Variants in POLR3G observed in about 807,000 individuals in gnomAD.
POLR3G encodes RNA polymerase III subunit G, also known as DNA-directed RNA polymerase III subunit RPC7.
POLR3G carries 28 observed loss-of-function variants against 30.1 expected under a neutral mutation model. The ratio of observed to expected loss-of-function variants is 0.93; its 90% CI spans 0.69 to 1.27. The LOEUF (loss-of-function observed/expected upper bound fraction) is 1.27. POLR3G is among the 50% of genes most tolerant of loss of function. The pLI is 0.00. For synonymous variants in POLR3G, 79 were observed against 82.5 expected (o/e 0.96, Z 0.23); for missense variants, 254 against 264.6 (o/e 0.96, Z 0.28).
At chr5:90,487,868 AGTTG>A (rs1751525815) in intron 2 of POLR3G, 128 bp from the exon 3 acceptor site, 1 of 630,888 alleles carries the variant, frequency 1.6e-6, no homozygotes, top group East Asian at 3.4e-5. Flanking sequence ...TCATCTTTTA[AGTTG>A]GTTGTAAAAC....
At position 90,485,675 on chromosome 5, in the gene POLR3G, A is replaced by G; in HGVS notation, c.108A>G (p.Pro36=). 1.2e-6 allele frequency: 2 copies of G among 1,608,842 alleles called. No individual in the cohort carries two copies. The highest frequency in any genetic ancestry group is 1.7e-6 in the Non-Finnish European group (2 of 1,176,128). ...CTGATGTAGTGTTGAAACCACCCCC[A>G]CTATTTCCTGTAAGTATATGAACAG... ...KLPDVVLKPP[P]LFPDTDYKPV... is the part of the protein sequence containing the mutation. The change falls in exon 2 of 8, where the codon CCA becomes CCG. Residue 36 remains proline (P), a synonymous_variant. Transcript: ENST00000651687.
In POLR3G at chr5:90,491,714, G is replaced by A. The variant is rs1189593273; in HGVS notation, c.247+3585G>A. On this transcript the variant is annotated intron_variant, in intron 3 of 7. Transcript: ENST00000651687. ...TATCTAAAATAATTATGGAATCTGA[G>A]TGATCTTATTTTTTCTCTATATTGA... Among the ~76,000 whole-genome samples the A allele has an allele frequency of 2.0e-5, 3 of 151,946 alleles. No homozygotes were observed. The East Asian group carries it at 5.8e-4, about 29-fold the overall frequency.
At chr5:90,507,009 C>T (rs558585483) in intron 7 of POLR3G, among the ~76,000 whole-genome samples, 90 of 152,262 alleles carry the variant, frequency 5.9e-4, no homozygotes, top group African/African-American at 1.9e-3. Context: ...ATTCAGGTAA[C>T]GGAGGGCTTA....
At chr5:90,480,545 C>T (rs967351241) in intron 1 of POLR3G, among the ~76,000 whole-genome samples, 2 of 152,000 alleles carry the variant, frequency 1.3e-5, no homozygotes, top group African/African-American at 2.4e-5. Context: ...TGTTATTTTT[C>T]AAGAGCTGTT....
At chr5:90,509,016 G>A (rs540699250) in intron 7 of POLR3G, among the ~76,000 whole-genome samples, 212 of 152,240 alleles carry the variant, frequency 1.4e-3, no homozygotes, top group Non-Finnish European at 2.5e-3. Context: ...AGCTGAGATC[G>A]TGCCACTGCA....
rs745598020 is a variant in POLR3G at position 90,485,670 on chromosome 5, C to T, written c.103C>T (p.Pro35Ser). 1 of 1,610,568 alleles carries T rather than the reference C, an allele frequency of 6.2e-7. No homozygotes were observed. The highest frequency in any genetic ancestry group is 8.5e-7 in the Non-Finnish European group (1 of 1,177,446). The change falls in exon 2 of 8, where the codon CCC becomes TCC. Residue 35 changes from proline (P) to serine (S), a missense_variant. By Grantham distance (74) the Pro-to-Ser change is moderately conservative. Transcript: ENST00000651687. ...EKLPDVVLKP[P>S]PLFPDTDYKP... ...GTTACCTGATGTAGTGTTGAAACCACCCCCACTATTTCCTGTAAGTATATG... is the reference window on the plus strand; with the variant it reads ...GTTACCTGATGTAGTGTTGAAACCATCCCCACTATTTCCTGTAAGTATATG...
intron 1 of POLR3G, among the ~76,000 whole-genome samples, chr5:90,477,133 G>A (rs1187830798): frequency 2.6e-5 from 4 of 152,154 alleles, no homozygotes; most frequent in African/African-American, 9.7e-5. Flanking sequence ...GTAGTACTTG[G>A]GAAACACAGA....
upstream of POLR3G, chr5:90,474,445 G>C: frequency 1.5e-6 from 1 of 686,288 alleles, no homozygotes; most frequent in Non-Finnish European, 2.5e-6. Flanking sequence ...GCGGGGGTCG[G>C]AATAGGAGGA....
intron 5 of POLR3G, among the ~76,000 whole-genome samples, chr5:90,498,134 C>A (rs1364179431): frequency 1.3e-5 from 2 of 151,836 alleles, no homozygotes; most frequent in East Asian, 3.9e-4. Context: ...TGACTCTCTC[C>A]CTCTCTCTGT....
intron 1 of POLR3G, among the ~76,000 whole-genome samples, chr5:90,475,852 C>T (rs1425126748): frequency 6.6e-6 from 1 of 152,180 alleles, no homozygotes; most frequent in Non-Finnish European, 1.5e-5. Flanking sequence ...GCTGAGGTTA[C>T]AGGCGCCTGC....
At chr5:90,501,646 A>G (rs1291563128) in intron 5 of POLR3G, among the ~76,000 whole-genome samples, 2 of 152,176 alleles carry the variant, frequency 1.3e-5, no homozygotes, top group Non-Finnish European at 2.9e-5. Flanking sequence ...GCCAGTACCA[A>G]TGTTCAGAAC....
At position 90,512,369 on chromosome 5, in the gene POLR3G, A is replaced by C. The variant is rs548459688; in HGVS notation, c.*230A>C. 7.2e-6 allele frequency: 3 copies of C among 419,284 alleles called. No individual in the cohort carries two copies. Among genetic ancestry groups the C allele is most frequent in the Non-Finnish European group, 1.3e-5 (3 of 226,698 alleles). The allele number at this position is 419,284 out of a possible 1,614,324, so 26.0% of individuals were successfully genotyped here. A position where few individuals can be genotyped will look rare whatever the true frequency, so the allele number is the denominator to read the frequency against. ...AACACCTCTGCCATCTCTCTTATGT[A>C]CTCTCATGGGTTTTTTTGTATGATT... is the stretch of plus-strand genomic sequence containing the variant. On this transcript the variant is annotated 3_prime_UTR_variant, in exon 8 of 8. Coordinates refer to ENST00000651687, the MANE Select transcript of POLR3G (RefSeq NM_006467.3).
At chr5:90,476,607 C>T (rs1210250399) in intron 1 of POLR3G, among the ~76,000 whole-genome samples, 1 of 152,186 alleles carries the variant, frequency 6.6e-6, no homozygotes, top group Non-Finnish European at 1.5e-5. Context: ...GATATCTCTA[C>T]CAGGCCATGA....
intron 1 of POLR3G, among the ~76,000 whole-genome samples, chr5:90,479,321 A>G (rs1751004825): frequency 6.6e-6 from 1 of 152,056 alleles, no homozygotes; most frequent in Admixed American, 6.6e-5. Flanking sequence ...AAAAATACAA[A>G]AATTAGCCGG....
intron 3 of POLR3G, among the ~76,000 whole-genome samples, chr5:90,492,802 A>T (rs2151907396): frequency 7.2e-6 from 1 of 138,300 alleles, no homozygotes; most frequent in Middle Eastern, 3.5e-3. Context: ...GAGTGGAGTC[A>T]ACCTGGGAGT....
At chr5:90,476,864 C>G (rs1750851001) in intron 1 of POLR3G, among the ~76,000 whole-genome samples, 1 of 152,196 alleles carries the variant, frequency 6.6e-6, no homozygotes, top group Non-Finnish European at 1.5e-5. Context: ...TCCACAATAG[C>G]ATCCATGTTT....
rs1416308001 is a variant in POLR3G, at chr5:90,513,578, T to C, written c.*1439T>C. 1 of 152,446 alleles carries C rather than the reference T, an allele frequency of 6.6e-6. No individual in the cohort carries two copies. The highest frequency in any genetic ancestry group is 1.5e-5 in the Non-Finnish European group (1 of 68,030). 9.4% of individuals were successfully genotyped at this position (152,446 alleles called of 1,614,324 possible). A position where few individuals can be genotyped will look rare whatever the true frequency, so the allele number is the denominator to read the frequency against. ...TATATTGTAATCTGATTTTCCTATC[T>C]TGTATTCATGCAGAAAATTGGAGAA... On this transcript the variant is annotated 3_prime_UTR_variant, in exon 8 of 8. Transcript: ENST00000651687.
At chr5:90,486,209 T>C (rs1751433034) in intron 2 of POLR3G, among the ~76,000 whole-genome samples, 1 of 152,234 alleles carries the variant, frequency 6.6e-6, no homozygotes, top group Admixed American at 6.5e-5. Flanking sequence ...GCTTTATGTT[T>C]AGTTTAGAAT....
At chr5:90,489,055 G>A (rs532624496) in intron 3 of POLR3G, among the ~76,000 whole-genome samples, 81 of 152,082 alleles carry the variant, frequency 5.3e-4, no homozygotes, top group African/African-American at 1.8e-3. Flanking sequence ...CATTCCATTC[G>A]TATTAAAAAT....
Sources: gnomAD v4.1 joint callset for allele counts (sites outside exome capture counted in the v4.1 genomes callset) on GRCh38, gnomAD v4.1.1 for gene constraint, MANE v1.5 for transcripts, NCBI Gene and HGNC (gene_info 2026-07-23, HGNC 2026-07-21) for gene names.